MYO18B: variants seen among roughly 807,000 people sequenced by gnomAD.
MYO18B encodes unconventional myosin-XVIIIb.
A neutral mutation model predicts 273.0 loss-of-function variants in MYO18B; 204 were observed. The observed-to-expected ratio is 0.75, with a 90% confidence interval of 0.67 to 0.84. The LOEUF is 0.84. Among genes scored for constraint, MYO18B ranks in the 40% least tolerant of loss-of-function variants. The pLI is 0.00. For missense variants in MYO18B, 3,212 were observed against 3,287.6 expected (o/e 0.98, Z 0.56); for synonymous variants, 1,330 against 1,305.7 (o/e 1.02, Z -0.40).
chr22:25,787,265 GGC>G (rs1235879791), intron 11 of MYO18B, among the ~76,000 whole-genome samples: 1 of 71,912 alleles, frequency 1.4e-5, no homozygotes, highest in African/African-American at 6.0e-5. Context: ...TGTGCGTGCA[GGC>G]GCGCGCACAC....
chr22:25,895,367 G>A (rs2091774350), intron 28 of MYO18B, 87 bp downstream of exon 28: 1 of 1,472,774 alleles, frequency 6.8e-7, no homozygotes, highest in Non-Finnish European at 9.2e-7. Context: ...GGTATTAGCT[G>A]AGCCTGAAGA....
intron 39 of MYO18B, among the ~76,000 whole-genome samples, chr22:25,982,984 T>C (rs1416145131): frequency 1.3e-5 from 2 of 152,266 alleles, no homozygotes; most frequent in Non-Finnish European, 2.9e-5. Flanking sequence ...ATTTCAAAAC[T>C]CTAAGTGTTC....
At chr22:26,022,729 C>T (rs941959774) in intron 42 of MYO18B, among the ~76,000 whole-genome samples, 1 of 152,226 alleles carries the variant, frequency 6.6e-6, no homozygotes, top group African/African-American at 2.4e-5. Flanking sequence ...AGGTAGGACT[C>T]AGCTCACTCC....
At chr22:25,985,996 A>G (rs1439908004) in intron 39 of MYO18B, among the ~76,000 whole-genome samples, 1 of 152,128 alleles carries the variant, frequency 6.6e-6, no homozygotes, top group East Asian at 1.9e-4. Flanking sequence ...CAGGCAAGTG[A>G]CCCTCGGACA....
At chr22:25,764,371 C>G (rs1378882958) in intron 3 of MYO18B, among the ~76,000 whole-genome samples, 1 of 152,062 alleles carries the variant, frequency 6.6e-6, no homozygotes, top group African/African-American at 2.4e-5. Flanking sequence ...TGGGAGTATC[C>G]CTGTGTTAGG....
intron 3 of MYO18B, among the ~76,000 whole-genome samples, chr22:25,763,979 G>A (rs1042399382): frequency 3.9e-5 from 6 of 152,146 alleles, no homozygotes; most frequent in Non-Finnish European, 8.8e-5. Flanking sequence ...TTCATACCAG[G>A]TGGTAAATGG....
At chr22:25,952,479 A>G in intron 38 of MYO18B, 56 bp downstream of exon 38, 3 of 1,598,292 alleles carry the variant, frequency 1.9e-6, no homozygotes, top group Non-Finnish European at 2.6e-6. Flanking sequence ...GCTTTTGTGT[A>G]AGCTTCATCC....
At chr22:26,029,253 C>A (rs1189206809) in intron 43 of MYO18B, among the ~76,000 whole-genome samples, 4 of 152,218 alleles carry the variant, frequency 2.6e-5, no homozygotes, top group Non-Finnish European at 4.4e-5. Context: ...GGTCCAGCGA[C>A]TGCACATGGC....
intron 34 of MYO18B, among the ~76,000 whole-genome samples, chr22:25,934,609 G>T (rs902654479): frequency 2.6e-5 from 4 of 152,198 alleles, no homozygotes; most frequent in African/African-American, 9.7e-5. Flanking sequence ...GGAGACATGA[G>T]ACATCAATCA....
In MYO18B at chr22:25,768,723, A is replaced by T. The variant is rs769475305; in HGVS notation, c.807A>T (p.Gln269His). 6.3e-7 allele frequency: 1 copy of T among 1,592,640 alleles called. No homozygotes were observed. Among genetic ancestry groups the T allele is most frequent in the Non-Finnish European group, 8.5e-7 (1 of 1,169,936 alleles). The change falls in exon 4 of 44, where the codon CAA becomes CAT. Residue 269 changes from glutamine (Q) to histidine (H), a missense_variant. Gln to His is a conservative substitution (Grantham distance 24). Coordinates refer to ENST00000335473, the MANE Select transcript of MYO18B (RefSeq NM_032608.7). ...QGKDRQGTRP[Q>H]AQGPGEGVRP... is the part of the protein sequence containing the mutation. ...AAGACAGGCAGGGGACCAGGCCCCA[A>T]GCCCAAGGGCCCGGCGAGGGGGTGC...
chr22:25,897,331 TG>T (rs1317624108), intron 28 of MYO18B: 1 of 152,192 alleles, frequency 6.6e-6, no homozygotes, highest in Non-Finnish European at 1.5e-5. Flanking sequence ...TGAGATCACA[TG>T]GGATTTTATA....
intron 36 of MYO18B, among the ~76,000 whole-genome samples, chr22:25,948,923 TGGGACATTG>T (rs1034786984): frequency 5.3e-5 from 8 of 151,260 alleles, no homozygotes; most frequent in African/African-American, 1.9e-4. Context: ...TAGATTGGAG[TGGGACATTG>T]GGGATTGGGG....
At chr22:25,896,118 G>A (rs939476009) in intron 28 of MYO18B, among the ~76,000 whole-genome samples, 1 of 152,110 alleles carries the variant, frequency 6.6e-6, no homozygotes, top group African/African-American at 2.4e-5. Flanking sequence ...CAGTCCTTGA[G>A]ATAATGCTAA....
At chr22:25,816,747 G>A (rs751471980) in intron 12 of MYO18B, among the ~76,000 whole-genome samples, 7 of 152,158 alleles carry the variant, frequency 4.6e-5, no homozygotes, top group Non-Finnish European at 7.3e-5. Context: ...CCAACATCAC[G>A]CGGCTGTAAG....
intron 25 of MYO18B, among the ~76,000 whole-genome samples, chr22:25,888,357 G>A (rs2091563505): frequency 6.6e-6 from 1 of 152,078 alleles, no homozygotes; most frequent in Non-Finnish European, 1.5e-5. Flanking sequence ...AAACCCCTGG[G>A]ATCAAGTGAT....
intron 34 of MYO18B, among the ~76,000 whole-genome samples, chr22:25,926,292 GT>G (rs956485883): frequency 2.5e-4 from 36 of 145,996 alleles, no homozygotes; most frequent in East Asian, 6.1e-4. Context: ...AGAGAAAGGT[GT>G]TTTTTTTTTT....
chr22:26,028,249 G>GAAAAAAAAAAAAAAAAAAA (rs753643785), intron 43 of MYO18B: 2 of 136,808 alleles, frequency 1.5e-5, no homozygotes, highest in Non-Finnish European at 3.1e-5. Context: ...TCTGTCTCAG[G>GAAAAAAAAAAAAAAAAAAA]GAAAAAAAAA....
At chr22:25,913,174 T>C (rs762224226) in intron 33 of MYO18B, among the ~76,000 whole-genome samples, 3 of 152,152 alleles carry the variant, frequency 2.0e-5, no homozygotes, top group Admixed American at 6.5e-5. Flanking sequence ...CTCAGATTAT[T>C]CCCCAAAGTG....
At chr22:25,799,149 G>GTGTGTGTC (rs755555465) in intron 12 of MYO18B, among the ~76,000 whole-genome samples, 32 of 151,742 alleles carry the variant, frequency 2.1e-4, no homozygotes, top group Admixed American at 1.4e-3. Context: ...GTGTGTGTGT[G>GTGTGTGTC]TGTGTGTGTG....
Sources: allele counts gnomAD v4.1 joint callset (sites outside exome capture counted in the v4.1 genomes callset), GRCh38; gene constraint gnomAD v4.1.1; transcripts MANE v1.5; gene names NCBI Gene and HGNC (gene_info 2026-07-23, HGNC 2026-07-21).